Variants in CCDC148 observed in about 807,000 individuals in gnomAD.
CCDC148 encodes the protein coiled-coil domain-containing protein 148.
Under a neutral mutation model 85.7 loss-of-function variants are expected in CCDC148, and 89 were observed. The ratio of observed to expected loss-of-function variants is 1.04; its 90% CI spans 0.87 to 1.24. CCDC148 has a LOEUF of 1.24. Among genes scored for constraint, CCDC148 ranks in the 50% most tolerant of loss-of-function variants. The pLI, the probability that CCDC148 is intolerant of heterozygous loss-of-function variation, is 0.00. For missense variants in CCDC148, 692 were observed against 671.7 expected (o/e 1.03, Z -0.33); for synonymous variants, 230 against 213.9 (o/e 1.08, Z -0.66).
intron 11 of CCDC148, among the ~76,000 whole-genome samples, chr2:158,204,056 T>C (rs1232023957): frequency 6.6e-6 from 1 of 152,204 alleles, no homozygotes; most frequent in Non-Finnish European, 1.5e-5. Flanking sequence ...ATTTGTCTAG[T>C]AGTGGTTTAT....
In CCDC148 at chr2:158,280,034, T is replaced by A. The variant is rs968036203; in HGVS notation, c.1111-29122A>T. 2.0e-5 allele frequency among the ~76,000 whole-genome samples: 3 copies of A among 151,728 alleles called. No individual in the cohort carries two copies. The East Asian group carries it at 5.8e-4, about 29-fold the overall frequency. On this transcript the variant is annotated intron_variant, in intron 9 of 13. Transcript: ENST00000283233. ...TCATATCCAGCCAAACTAAGCTTCA[T>A]AAGTGAAGGAGAAATAAAATCCTTT...
rs899690377 is a variant in CCDC148, at chr2:158,234,788, G to C, written c.1252-14075C>G. On this transcript the variant is annotated intron_variant, in intron 10 of 13. Transcript: ENST00000283233. ...AATCTTGTTAAAAATAACATATATA[G>C]TGTGATTCTAGTTAAATTAAAGTTC... 2.6e-5 allele frequency among the ~76,000 whole-genome samples: 4 copies of C among 152,138 alleles called. No individual in the cohort carries two copies. The South Asian group carries it at 6.2e-4, about 24-fold the overall frequency.
At chr2:158,362,264 G>C (rs923229585) in intron 1 of CCDC148, among the ~76,000 whole-genome samples, 1 of 151,726 alleles carries the variant, frequency 6.6e-6, no homozygotes, top group African/African-American at 2.4e-5. Flanking sequence ...TTAGAACAAC[G>C]AGAAAGAAAA....
At chr2:158,393,630 A>T (rs1394324862) in intron 1 of CCDC148, among the ~76,000 whole-genome samples, 1 of 152,114 alleles carries the variant, frequency 6.6e-6, no homozygotes, top group Non-Finnish European at 1.5e-5. Flanking sequence ...TGATAAAAAG[A>T]GGATTGACAG....
intron 7 of CCDC148, among the ~76,000 whole-genome samples, chr2:158,336,118 A>G (rs1682365940): frequency 6.6e-6 from 1 of 152,170 alleles, no homozygotes; most frequent in Non-Finnish European, 1.5e-5. Context: ...TGTGAGCCCA[A>G]TAACTAGAAC....
chr2:158,318,824 C>T (rs1171785447), intron 7 of CCDC148, among the ~76,000 whole-genome samples: 1 of 151,790 alleles, frequency 6.6e-6, no homozygotes, highest in African/African-American at 2.4e-5. Flanking sequence ...GGCCAGTGTG[C>T]AGTGGCGTGA....
intron 10 of CCDC148, among the ~76,000 whole-genome samples, chr2:158,242,287 G>A (rs1472645234): frequency 6.6e-6 from 1 of 152,086 alleles, no homozygotes; most frequent in Non-Finnish European, 1.5e-5. Context: ...TGGTTCTCAT[G>A]ATTTTTCTAA....
chr2:158,183,911 C>A (rs1685028165), intron 11 of CCDC148, among the ~76,000 whole-genome samples: 1 of 152,090 alleles, frequency 6.6e-6, no homozygotes, highest in African/African-American at 2.4e-5. Flanking sequence ...GCAGAGGGGA[C>A]CCCTTCATTA....
chr2:158,400,931 C>A (rs1279508013), intron 1 of CCDC148, among the ~76,000 whole-genome samples: 1 of 152,164 alleles, frequency 6.6e-6, no homozygotes, highest in Non-Finnish European at 1.5e-5. Flanking sequence ...ATTTATGTAG[C>A]CAACAGACAT....
chr2:158,450,404 T>C (rs910993387), intron 1 of CCDC148, among the ~76,000 whole-genome samples: 1 of 152,228 alleles, frequency 6.6e-6, no homozygotes, highest in Non-Finnish European at 1.5e-5. Flanking sequence ...GCTTTCCAGC[T>C]GGAGATGATG....
At position 158,273,207 on chromosome 2, in the gene CCDC148, A is replaced by G. The variant is rs138073710; in HGVS notation, c.1111-22295T>C. ...GTCATACAGACCTGATACAGAAGGC[A>G]TCAAGCTAAAAGAAGATGAAGATGG... On this transcript the variant is annotated intron_variant, in intron 9 of 13. Coordinates refer to ENST00000283233, the MANE Select transcript of CCDC148 (RefSeq NM_138803.4). 3.0e-4 allele frequency among the ~76,000 whole-genome samples: 46 copies of G among 152,316 alleles called. 1 individual carries two copies. Among genetic ancestry groups the G allele is most frequent in the African/African-American group, 1.1e-3 (44 of 41,574 alleles).
chr2:158,343,904 G>A (rs1172655173), intron 3 of CCDC148, among the ~76,000 whole-genome samples: 2 of 152,056 alleles, frequency 1.3e-5, no homozygotes, highest in Non-Finnish European at 2.9e-5. Flanking sequence ...CATTACTTAA[G>A]TGTTCCTCAC....
chr2:158,354,683 A>T (rs1173729334), intron 2 of CCDC148, among the ~76,000 whole-genome samples: 2 of 151,978 alleles, frequency 1.3e-5, no homozygotes, highest in Non-Finnish European at 2.9e-5. Context: ...TTCTGAAACT[A>T]TTCCAATCAA....
chr2:158,201,815 T>G (rs996501651), intron 11 of CCDC148, among the ~76,000 whole-genome samples: 10 of 152,210 alleles, frequency 6.6e-5, no homozygotes, highest in African/African-American at 2.4e-4. Context: ...TTGGGGAAAT[T>G]TGAATATGGC....
intron 11 of CCDC148, among the ~76,000 whole-genome samples, chr2:158,198,442 C>T (rs1685786417): frequency 6.6e-6 from 1 of 152,174 alleles, no homozygotes. Flanking sequence ...AGTGTATCAA[C>T]TCTGCACCTT....
intron 1 of CCDC148, among the ~76,000 whole-genome samples, chr2:158,441,117 G>A (rs1334951426): frequency 6.6e-6 from 1 of 152,050 alleles, no homozygotes; most frequent in Non-Finnish European, 1.5e-5. Context: ...CCCCTATATA[G>A]GCTATATAAA....
At chr2:158,273,750 C>T (rs1384775479) in intron 9 of CCDC148, among the ~76,000 whole-genome samples, 1 of 152,154 alleles carries the variant, frequency 6.6e-6, no homozygotes, top group Non-Finnish European at 1.5e-5. Context: ...TGTGCCATCC[C>T]TCCATCACTA....
At chr2:158,358,007 C>T (rs1385042444) in intron 2 of CCDC148, among the ~76,000 whole-genome samples, 1 of 152,154 alleles carries the variant, frequency 6.6e-6, no homozygotes, top group Non-Finnish European at 1.5e-5. Flanking sequence ...AGCCTAGGTT[C>T]ACCCTGGCTT....
At chr2:158,182,248 A>C (rs1343430776) in intron 11 of CCDC148, among the ~76,000 whole-genome samples, 2 of 152,072 alleles carry the variant, frequency 1.3e-5, no homozygotes, top group Non-Finnish European at 2.9e-5. Context: ...CACCATCTAG[A>C]AAAAGAGTGT....
Sources: gnomAD v4.1 joint callset for allele counts (sites outside exome capture counted in the v4.1 genomes callset) on GRCh38, gnomAD v4.1.1 for gene constraint, MANE v1.5 for transcripts, NCBI Gene and HGNC (gene_info 2026-07-23, HGNC 2026-07-21) for gene names.